Variants in NUP62CL observed in about 807,000 individuals in gnomAD.
NUP62CL encodes nucleoporin-62 C-terminal-like protein.
A neutral mutation model predicts 15.3 loss-of-function variants in NUP62CL; 13 were observed. The ratio of observed to expected loss-of-function variants is 0.85; its 90% confidence interval spans 0.55 to 1.35. NUP62CL has a LOEUF of 1.35. NUP62CL is among the 40% of genes most tolerant of loss of function. The pLI is 0.00. For synonymous variants in NUP62CL, 54 were observed against 49.2 expected, an observed-to-expected ratio of 1.10 and a Z score of -0.41; for missense variants, 123 against 130.6, an observed-to-expected ratio of 0.94 and a Z score of 0.28.
At chrX:107,131,399 G>A (rs183152990) in intron 8 of NUP62CL, among the ~76,000 whole-genome samples, 1 of 111,621 alleles carries the variant, frequency 9.0e-6, no homozygotes, top group Non-Finnish European at 1.9e-5. Context: ...AAAATAAGGA[G>A]TTTAGTTTTA....
intron 2 of NUP62CL, among the ~76,000 whole-genome samples, chrX:107,182,514 G>C (rs1036767583): frequency 9.0e-6 from 1 of 111,539 alleles, no homozygotes; most frequent in Non-Finnish European, 1.9e-5. Flanking sequence ...TAAATAGTAG[G>C]ACATAGAAAA....
In NUP62CL at chrX:107,138,053, A is replaced by G. The variant is rs183863773; in HGVS notation, c.*42+9690T>C. Among the ~76,000 whole-genome samples, 232 of 111,763 alleles carry G rather than the reference A, an allele frequency of 2.1e-3. 1 individual carries two copies. Among genetic ancestry groups the G allele is most frequent in the South Asian group, 6.4e-3 (17 of 2,666 alleles). On this transcript the variant is annotated intron_variant, in intron 8 of 8. Transcript: ENST00000372466. ...TGTTGTTGTTGTTTTTTAAGGCACA[A>G]AAGCAATTTAATTGAGGAAGGATAC...
chrX:107,184,800 C>A (rs745446332), intron 2 of NUP62CL, among the ~76,000 whole-genome samples: 3 of 111,096 alleles, frequency 2.7e-5, no homozygotes, highest in Non-Finnish European at 5.7e-5. Flanking sequence ...AATAATTAAA[C>A]TTCTGAAAAC....
In NUP62CL at chrX:107,175,115, G is replaced by T; in HGVS notation, c.32C>A (p.Thr11Asn). 8.3e-7 allele frequency: 1 copy of T among 1,207,758 alleles called. No homozygotes were observed. The highest frequency in any genetic ancestry group is 1.1e-6 in the Non-Finnish European group (1 of 892,566). MQFTSISNSLTSTAAIGLSFT... is the reference protein window; with the variant it reads MQFTSISNSLNSTAAIGLSFT... ...TGAGAGCCCAATAGCAGCAGTGGAGGTCAAAGAATTTGATATTGAGGTAAA... is the reference window on the plus strand; with the variant it reads ...TGAGAGCCCAATAGCAGCAGTGGAGTTCAAAGAATTTGATATTGAGGTAAA... The change falls in exon 3 of 9, where the codon ACC becomes AAC. Residue 11 changes from threonine to asparagine, a missense_variant. Physicochemically the swap from Thr to Asn is moderately conservative, Grantham distance 65. Coordinates refer to ENST00000372466, the MANE Select transcript of NUP62CL (RefSeq NM_017681.3).
rs189909473 is a variant in NUP62CL at position 107,205,006 on chromosome X, G to A, written c.-92+1267C>T. Among the ~76,000 whole-genome samples, 339 of 108,631 alleles carry A rather than the reference G, an allele frequency of 3.1e-3. 1 individual carries two copies. Among genetic ancestry groups the A allele is most frequent in the African/African-American group, 0.011 (333 of 30,099 alleles). 94.3% of individuals were successfully genotyped at this position (108,631 alleles called of 115,157 possible). A position where few individuals can be genotyped will look rare whatever the true frequency, so the allele number is the denominator to read the frequency against. On this transcript the variant is annotated intron_variant, in intron 1 of 8. Transcript: ENST00000372466. ...CACAAGTTTGAAAACTAAAGGTCTA[G>A]GGACAAATCATTAGGGTGTTGTGGT... is the stretch of plus-strand genomic sequence containing the variant.
chrX:107,123,896 C>T lies in NUP62CL; in HGVS notation c.*479G>A. ...GGAGAAGAGACTTTACAGTATCTAGCACTATATAGGTTGGCATGTACTTTT... is the reference window on the plus strand; with the variant it reads ...GGAGAAGAGACTTTACAGTATCTAGTACTATATAGGTTGGCATGTACTTTT... On this transcript the variant is annotated 3_prime_UTR_variant, in exon 9 of 9. Coordinates refer to ENST00000372466, the MANE Select transcript of NUP62CL (RefSeq NM_017681.3). 1 of 143,729 alleles carries T rather than the reference C, an allele frequency of 7.0e-6. No homozygotes were observed. The allele number at this position is 143,729 out of a possible 1,213,427, so 11.8% of individuals were successfully genotyped here. A position where few individuals can be genotyped will look rare whatever the true frequency, so the allele number is the denominator to read the frequency against.
chrX:107,176,366 T>C (rs1188714710), intron 2 of NUP62CL, among the ~76,000 whole-genome samples: 1 of 111,191 alleles, frequency 9.0e-6, no homozygotes, highest in South Asian at 3.8e-4. Context: ...CGCTACAACA[T>C]GGATGAATCT....
At chrX:107,175,968 C>T (rs1926772200) in intron 2 of NUP62CL, among the ~76,000 whole-genome samples, 1 of 111,326 alleles carries the variant, frequency 9.0e-6, no homozygotes, top group African/African-American at 3.3e-5. Context: ...ATCACCCTCA[C>T]CCTGATTATT....
intron 7 of NUP62CL, chrX:107,150,787 C>T: frequency 3.1e-6 from 1 of 323,369 alleles, no homozygotes; most frequent in South Asian, 2.9e-5. Context: ...GCATGAGCCA[C>T]CATACCTGGC....
intron 4 of NUP62CL, among the ~76,000 whole-genome samples, chrX:107,156,324 G>A (rs1384269826): frequency 9.6e-6 from 1 of 103,987 alleles, no homozygotes; most frequent in Non-Finnish European, 2.0e-5. Flanking sequence ...ACCTCTGGGG[G>A]CAGGGCACAG....
intron 8 of NUP62CL, among the ~76,000 whole-genome samples, chrX:107,140,156 A>G (rs775198824): frequency 1.8e-5 from 2 of 111,831 alleles, no homozygotes; most frequent in Admixed American, 1.9e-4. Context: ...TGTAAAAAGA[A>G]AAGATGGTGA....
chrX:107,152,031 A>AATATATATATATATTCAGATATATATAT (rs1926024690), intron 7 of NUP62CL, among the ~76,000 whole-genome samples: 1 of 70,121 alleles, frequency 1.4e-5, no homozygotes, highest in Admixed American at 1.8e-4. Context: ...CTTCATCTTG[A>AATATATATATATATTCAGATATATATAT]ATATATATAT....
At chrX:107,140,720 T>C (rs1925747279) in intron 8 of NUP62CL, among the ~76,000 whole-genome samples, 1 of 112,414 alleles carries the variant, frequency 8.9e-6, no homozygotes, top group African/African-American at 3.2e-5. Flanking sequence ...AAAAGTATTA[T>C]GCTGAGCTAA....
At chrX:107,126,793 G>A (rs766964623) in intron 8 of NUP62CL, among the ~76,000 whole-genome samples, 1 of 112,234 alleles carries the variant, frequency 8.9e-6, no homozygotes, top group African/African-American at 3.2e-5. Flanking sequence ...CAGCACTTTG[G>A]GGGGCCGAGG....
chrX:107,200,803 A>G (rs565945342), intron 1 of NUP62CL, among the ~76,000 whole-genome samples: 2 of 109,514 alleles, frequency 1.8e-5, no homozygotes, highest in African/African-American at 3.3e-5. Flanking sequence ...GAGAGAGAGT[A>G]AAATACTTGA....
intron 3 of NUP62CL, among the ~76,000 whole-genome samples, chrX:107,174,414 A>G (rs1023192453): frequency 9.0e-6 from 1 of 110,630 alleles, no homozygotes; most frequent in Admixed American, 9.7e-5. Context: ...TGGCCTCCCA[A>G]AATGCTAGGA....
intron 8 of NUP62CL, among the ~76,000 whole-genome samples, chrX:107,140,863 G>A (rs1360205783): frequency 2.7e-5 from 3 of 111,799 alleles, no homozygotes; most frequent in Non-Finnish European, 3.8e-5. Context: ...TATCCATGAG[G>A]TGGCCATTGA....
chrX:107,148,454 A>G (rs187449497), intron 7 of NUP62CL, among the ~76,000 whole-genome samples: 1 of 111,577 alleles, frequency 9.0e-6, no homozygotes, highest in Admixed American at 9.6e-5. Flanking sequence ...GGTAAAGTCA[A>G]CCCTGATGAA....
chrX:107,194,875 G>T (rs1421768410), intron 1 of NUP62CL, among the ~76,000 whole-genome samples: 6 of 91,744 alleles, frequency 6.5e-5, no homozygotes, highest in African/African-American at 8.6e-5. Context: ...GGAGTGCAGT[G>T]GCACAATCTC....
Sources: gnomAD v4.1 joint callset for allele counts (sites outside exome capture counted in the v4.1 genomes callset) on GRCh38, gnomAD v4.1.1 for gene constraint, MANE v1.5 for transcripts, NCBI Gene and HGNC (gene_info 2026-07-23, HGNC 2026-07-21) for gene names.